Variants in TLK1 observed in about 807,000 individuals in gnomAD.
TLK1 encodes serine/threonine-protein kinase tousled-like 1.
In TLK1, 24 loss-of-function variants were observed where a neutral mutation model predicts 105.3. That is an observed-to-expected ratio of 0.23 (90% CI 0.17 to 0.32). The LOEUF (loss-of-function observed/expected upper bound fraction) is 0.32, where lower values mean the gene tolerates loss of function less well. TLK1 is among the 10% of genes least tolerant of loss of function. The pLI, the probability that TLK1 is intolerant of heterozygous loss-of-function variation, is 1.00. For missense variants in TLK1, 558 were observed against 910.5 expected, an observed-to-expected ratio of 0.61 and a Z score of 4.98; for synonymous variants, 321 against 310.4, an observed-to-expected ratio of 1.03 and a Z score of -0.36.
chr2:171,191,384 C>T (rs1342673540), intron 1 of TLK1, among the ~76,000 whole-genome samples: 1 of 151,472 alleles, frequency 6.6e-6, no homozygotes, highest in Non-Finnish European at 1.5e-5. Context: ...ACCTGGGCAA[C>T]ATGGTGAGAC....
At chr2:171,204,289 C>T (rs186324736) in intron 1 of TLK1, among the ~76,000 whole-genome samples, 27 of 152,280 alleles carry the variant, frequency 1.8e-4, no homozygotes, top group East Asian at 5.8e-4. Flanking sequence ...GCAGTGCTAT[C>T]GTCCTGGCTA....
chr2:171,118,808 G>A (rs1242527085), intron 1 of TLK1, among the ~76,000 whole-genome samples: 3 of 152,060 alleles, frequency 2.0e-5, no homozygotes, highest in Non-Finnish European at 2.9e-5. Context: ...CACACATCCT[G>A]ACATTCCTCT....
chr2:171,048,058 C>T (rs12624094), intron 10 of TLK1, among the ~76,000 whole-genome samples: 77,924 of 152,034 alleles, frequency 0.51, 22,731 homozygotes, highest in South Asian at 0.67. Context: ...AAGCAATTCT[C>T]GTGCCTCAGC....
intron 1 of TLK1, among the ~76,000 whole-genome samples, chr2:171,221,115 G>A (rs1693802534): frequency 6.6e-6 from 1 of 152,146 alleles, no homozygotes; most frequent in South Asian, 2.1e-4. Context: ...GTGGCACACA[G>A]CATTCCACAT....
At chr2:171,159,429 A>C (rs759003220) in intron 1 of TLK1, among the ~76,000 whole-genome samples, 3 of 152,344 alleles carry the variant, frequency 2.0e-5, no homozygotes, top group Admixed American at 2.0e-4. Flanking sequence ...GTGCCTTACA[A>C]GCTGTGTAAC....
At chr2:171,086,433 C>T (rs987396693) in intron 2 of TLK1, among the ~76,000 whole-genome samples, 1 of 152,088 alleles carries the variant, frequency 6.6e-6, no homozygotes, top group African/African-American at 2.4e-5. Context: ...CAAAACCAGC[C>T]TGGCCAACAT....
intron 1 of TLK1, among the ~76,000 whole-genome samples, chr2:171,221,812 CT>C (rs890781256): frequency 1.3e-5 from 2 of 152,202 alleles, no homozygotes; most frequent in African/African-American, 4.8e-5. Context: ...GTCTCTGTCT[CT>C]TTTTATAAGA....
chr2:171,011,304 C>T (rs1684904760), intron 14 of TLK1, 69 bp downstream of exon 14: 1 of 1,351,378 alleles, frequency 7.4e-7, no homozygotes, highest in Admixed American at 2.2e-5. Flanking sequence ...AACGTAAGTA[C>T]TTCTTAACCA....
chr2:171,133,331 T>G (rs1691178612), intron 1 of TLK1, among the ~76,000 whole-genome samples: 1 of 152,132 alleles, frequency 6.6e-6, no homozygotes, highest in Admixed American at 6.5e-5. Flanking sequence ...AGGCGCAGGC[T>G]CATGTCTGTA....
At chr2:171,058,050 T>C in intron 5 of TLK1, 101 bp downstream of exon 5, 1 of 1,179,796 alleles carries the variant, frequency 8.5e-7, no homozygotes. Flanking sequence ...TCTAATCAAG[T>C]AAGTAATCAA....
intron 12 of TLK1, among the ~76,000 whole-genome samples, chr2:171,017,548 A>G (rs1399938772): frequency 1.3e-5 from 2 of 152,244 alleles, no homozygotes; most frequent in African/African-American, 4.8e-5. Context: ...TGATGAACAT[A>G]ATTACATTTG....
chr2:171,099,533 G>A (rs1298831048), intron 2 of TLK1, among the ~76,000 whole-genome samples: 1 of 152,036 alleles, frequency 6.6e-6, no homozygotes, highest in Non-Finnish European at 1.5e-5. Flanking sequence ...GAAATGCAAG[G>A]GACCCAGAAT....
chr2:171,079,503 AGTT>A (rs1688655617), intron 3 of TLK1, among the ~76,000 whole-genome samples: 1 of 152,240 alleles, frequency 6.6e-6, no homozygotes, highest in Non-Finnish European at 1.5e-5. Flanking sequence ...AGAGACTAAA[AGTT>A]AATAGATATG....
intron 1 of TLK1, among the ~76,000 whole-genome samples, chr2:171,195,519 A>AT (rs1441845867): frequency 1.3e-5 from 2 of 151,670 alleles, no homozygotes; most frequent in African/African-American, 4.8e-5. Context: ...AAAAAAAAAA[A>AT]AAACATAATC....
At chr2:171,162,020 TA>T (rs1173904099), upstream of TLK1, among the ~76,000 whole-genome samples, 3 of 152,258 alleles carry the variant, frequency 2.0e-5, no homozygotes, top group East Asian at 5.8e-4. Flanking sequence ...TTCTATTTTT[TA>T]TTTTTATGAC....
At chr2:171,129,932 C>T (rs2105554281) in intron 1 of TLK1, among the ~76,000 whole-genome samples, 1 of 152,088 alleles carries the variant, frequency 6.6e-6, no homozygotes, top group Middle Eastern at 3.4e-3. Flanking sequence ...GTGATTTCAA[C>T]CTATTATTTC....
Position 171,142,445 on chromosome 2 carries a change from A to AAT in TLK1, c.139+17844_139+17845insAT, listed in dbSNP as rs879729961. On this transcript the variant is annotated intron_variant, in intron 1 of 20. Coordinates refer to ENST00000431350, the MANE Select transcript of TLK1 (RefSeq NM_012290.5). ...CTGAAAGAATGGAAAAAGCTGTAGC[A>AAT]TGCAAACACCAAATGAAAGTTAGTG... Among the ~76,000 whole-genome samples the AAT allele has an allele frequency of 1.0e-3, 152 of 152,362 alleles. 1 individual carries two copies. Among genetic ancestry groups the AAT allele is most frequent in the Middle Eastern group, 6.8e-3 (2 of 292 alleles).
At chr2:171,008,945 T>C (rs1342299194) in intron 14 of TLK1, among the ~76,000 whole-genome samples, 1 of 152,244 alleles carries the variant, frequency 6.6e-6, no homozygotes, top group Non-Finnish European at 1.5e-5. Flanking sequence ...TAGGCCACGC[T>C]AATGCTAACT....
At chr2:171,048,006 T>C (rs12614580) in intron 10 of TLK1, among the ~76,000 whole-genome samples, 88,365 of 152,034 alleles carry the variant, frequency 0.58, 27,866 homozygotes, top group East Asian at 0.93. Flanking sequence ...TGGAGTGCAG[T>C]GGCATGATCT....
Sources: allele counts gnomAD v4.1 joint callset (sites outside exome capture counted in the v4.1 genomes callset), GRCh38; gene constraint gnomAD v4.1.1; transcripts MANE v1.5; gene names NCBI Gene and HGNC (gene_info 2026-07-23, HGNC 2026-07-21).